Variants in SUCLG2 observed in about 807,000 individuals in gnomAD.
The protein encoded by SUCLG2 is succinate--CoA ligase [GDP-forming] subunit beta, mitochondrial.
Under a neutral mutation model 47.9 loss-of-function variants are expected in SUCLG2, and 42 were observed. The ratio of observed to expected loss-of-function variants is 0.88; its 90% confidence interval spans 0.69 to 1.14. The LOEUF is 1.14. SUCLG2 is among the 50% of genes most tolerant of loss of function. The pLI is 0.00. For missense variants in SUCLG2, 571 were observed against 525.9 expected, an observed-to-expected ratio of 1.09 and a Z score of -0.84; for synonymous variants, 195 against 197.3, an observed-to-expected ratio of 0.99 and a Z score of 0.10.
Position 67,654,573 on chromosome 3 carries a change from A to C in SUCLG2, c.14T>G (p.Val5Gly). MASP[V>G]AAQAGKLLRA... is the part of the protein sequence containing the mutation. ...CAGAAGCTTCCCGGCCTGCGCTGCTACGGGGGACGCCATCTTAAACAGGAA... is the reference window on the plus strand; with the variant it reads ...CAGAAGCTTCCCGGCCTGCGCTGCTCCGGGGGACGCCATCTTAAACAGGAA... Residue 5 changes from valine to glycine, a missense_variant, in exon 1 of 11, where the codon GTA becomes GGA. Physicochemically the swap from Val to Gly is moderately radical, Grantham distance 109. Transcript: ENST00000307227. The C allele has an allele frequency of 6.3e-6, 8 of 1,274,490 alleles. No individual in the cohort carries two copies. Among genetic ancestry groups the C allele is most frequent in the African/African-American group, 4.6e-5 (3 of 65,914 alleles). 78.9% of individuals were successfully genotyped at this position (1,274,490 alleles called of 1,614,324 possible). A position where few individuals can be genotyped will look rare whatever the true frequency, so the allele number is the denominator to read the frequency against.
At chr3:67,596,652 T>C (rs1314087533) in intron 2 of SUCLG2, among the ~76,000 whole-genome samples, 1 of 152,202 alleles carries the variant, frequency 6.6e-6, no homozygotes, top group East Asian at 1.9e-4. Flanking sequence ...CTATTTGTAG[T>C]CATCCTTGTG....
intron 9 of SUCLG2, among the ~76,000 whole-genome samples, chr3:67,486,806 G>C (rs376406995): frequency 3.3e-5 from 5 of 152,254 alleles, no homozygotes; most frequent in African/African-American, 1.2e-4. Flanking sequence ...ACGTTTTACA[G>C]TATGAAAGCT....
At chr3:67,624,625 T>C (rs1317848436) in intron 1 of SUCLG2, among the ~76,000 whole-genome samples, 2 of 152,232 alleles carry the variant, frequency 1.3e-5, no homozygotes, top group Non-Finnish European at 2.9e-5. Flanking sequence ...TTTCCATCTA[T>C]GTTAGTCATC....
In SUCLG2 at chr3:67,618,702, C is replaced by T. The variant is rs140021216; in HGVS notation, c.85-9106G>A. On this transcript the variant is annotated intron_variant, in intron 1 of 10. Transcript: ENST00000307227. ...TACTTGGAACCACCACAGACAAAAA[C>T]TATACTGCCATTCCTGACCTAAAAT... is the stretch of plus-strand genomic sequence containing the variant. Among the ~76,000 whole-genome samples the T allele has an allele frequency of 2.2e-3, 328 of 152,262 alleles. 4 individuals are homozygous for T. The East Asian group carries it at 0.043, about 20-fold the overall frequency.
chr3:67,499,958 C>T (rs192683850), intron 7 of SUCLG2, among the ~76,000 whole-genome samples: 1 of 152,060 alleles, frequency 6.6e-6, no homozygotes, highest in Non-Finnish European at 1.5e-5. Flanking sequence ...GTCTCGATCT[C>T]CTGACCTTGT....
At chr3:67,561,915 T>G (rs752313897) in intron 2 of SUCLG2, among the ~76,000 whole-genome samples, 1 of 152,202 alleles carries the variant, frequency 6.6e-6, no homozygotes, top group Non-Finnish European at 1.5e-5. Context: ...TATTACACTG[T>G]AGGGTTTTAA....
chr3:67,373,915 G>A (rs540415487), downstream of SUCLG2, among the ~76,000 whole-genome samples: 32 of 152,166 alleles, frequency 2.1e-4, no homozygotes, highest in South Asian at 3.9e-3. Flanking sequence ...AGCTCTGATG[G>A]CTTTGAGCTT....
chr3:67,480,066 T>C (rs1440536004), intron 9 of SUCLG2, among the ~76,000 whole-genome samples: 1 of 151,828 alleles, frequency 6.6e-6, no homozygotes, highest in Admixed American at 6.6e-5. Flanking sequence ...GGGAAGGAAA[T>C]AAAAATAAGT....
chr3:67,616,545 T>A (rs1050667721), intron 1 of SUCLG2, among the ~76,000 whole-genome samples: 22 of 152,328 alleles, frequency 1.4e-4, no homozygotes, highest in Admixed American at 1.0e-3. Context: ...ATCTATAATT[T>A]AAAAAAATTT....
At chr3:67,584,850 T>A (rs775882003) in intron 2 of SUCLG2, among the ~76,000 whole-genome samples, 16 of 152,108 alleles carry the variant, frequency 1.1e-4, no homozygotes, top group Non-Finnish European at 1.9e-4. Flanking sequence ...TCAGATCTCA[T>A]GCGAACTCAC....
intron 7 of SUCLG2, among the ~76,000 whole-genome samples, chr3:67,501,450 AC>A (rs1298601707): frequency 1.3e-5 from 2 of 152,118 alleles, no homozygotes; most frequent in Non-Finnish European, 2.9e-5. Context: ...GAGCTCTAAA[AC>A]CCTTGTGATT....
At chr3:67,539,514 A>C (rs970830361) in intron 2 of SUCLG2, among the ~76,000 whole-genome samples, 3 of 152,090 alleles carry the variant, frequency 2.0e-5, no homozygotes, top group Non-Finnish European at 4.4e-5. Flanking sequence ...GTTGGCCTGA[A>C]ATTTTCTTTT....
chr3:67,442,464 T>C (rs1703791259), intron 9 of SUCLG2, among the ~76,000 whole-genome samples: 1 of 152,130 alleles, frequency 6.6e-6, no homozygotes, highest in Non-Finnish European at 1.5e-5. Context: ...TCTCTAAAGG[T>C]GGGGCTGAAG....
intron 6 of SUCLG2, among the ~76,000 whole-genome samples, chr3:67,512,227 C>T (rs1207641437): frequency 6.6e-6 from 1 of 151,042 alleles, no homozygotes; most frequent in African/African-American, 2.5e-5. Context: ...AAGGCTAGTC[C>T]CATTCTGAGA....
At chr3:67,366,124 T>C (rs1338991007) in intron 10 of SUCLG2, among the ~76,000 whole-genome samples, 1 of 152,116 alleles carries the variant, frequency 6.6e-6, no homozygotes, top group Non-Finnish European at 1.5e-5. Flanking sequence ...TCATCATCTA[T>C]GGGAAAAATC....
intron 9 of SUCLG2, among the ~76,000 whole-genome samples, chr3:67,429,973 A>T (rs183127601): frequency 6.6e-6 from 1 of 152,314 alleles, no homozygotes; most frequent in Non-Finnish European, 1.5e-5. Context: ...ACCTACAAAG[A>T]GACTTAGACT....
intron 1 of SUCLG2, among the ~76,000 whole-genome samples, chr3:67,636,611 CA>C (rs1295114115): frequency 1.3e-5 from 2 of 152,154 alleles, no homozygotes; most frequent in African/African-American, 2.4e-5. Context: ...CTCGGCCTCC[CA>C]AAGTGCTGGG....
chr3:67,568,890 AAAAATAAAAT>A (rs780402775), intron 2 of SUCLG2, among the ~76,000 whole-genome samples: 12 of 152,236 alleles, frequency 7.9e-5, no homozygotes, highest in East Asian at 1.9e-4. Flanking sequence ...CCGTCTCAAA[AAAAATAAAAT>A]AAAATAAAAT....
chr3:67,413,665 C>A (rs186706743), intron 9 of SUCLG2, among the ~76,000 whole-genome samples: 1 of 152,274 alleles, frequency 6.6e-6, no homozygotes, highest in East Asian at 1.9e-4. Context: ...AAAAACCATG[C>A]GGAAGGAAAC....
Sources: allele counts gnomAD v4.1 joint callset (sites outside exome capture counted in the v4.1 genomes callset), GRCh38; gene constraint gnomAD v4.1.1; transcripts MANE v1.5; gene names NCBI Gene and HGNC (gene_info 2026-07-23, HGNC 2026-07-21).